The following DOCK9 variants were observed in gnomAD, a reference collection of about 807,000 sequenced individuals.
DOCK9 encodes the protein dedicator of cytokinesis 9, also known as dedicator of cytokinesis protein 9.
Under a neutral mutation model 263.3 loss-of-function variants are expected in DOCK9, and 89 were observed. The observed-to-expected ratio is 0.34, with a 90% confidence interval of 0.28 to 0.40. The LOEUF (loss-of-function observed/expected upper bound fraction) is 0.40, where lower values mean the gene tolerates loss of function less well. DOCK9 is among the 10% of genes least tolerant of loss of function. DOCK9 has a pLI of 1.00. For missense variants in DOCK9, 2,140 were observed against 2,603.4 expected (o/e 0.82, Z 3.87); for synonymous variants, 976 against 973.1 (o/e 1.00, Z -0.06).
At chr13:99,021,179 T>C (rs928606629) in intron 1 of DOCK9, among the ~76,000 whole-genome samples, 1 of 152,234 alleles carries the variant, frequency 6.6e-6, no homozygotes, top group Non-Finnish European at 1.5e-5. Flanking sequence ...AATGCTGGTC[T>C]CTCTTCTTCT....
chr13:98,969,953 C>A (rs189944700), intron 1 of DOCK9, among the ~76,000 whole-genome samples: 42 of 152,286 alleles, frequency 2.8e-4, no homozygotes, highest in Admixed American at 2.3e-3. Flanking sequence ...TCAGAGAAGA[C>A]TTTTAAGCAG....
intron 1 of DOCK9, among the ~76,000 whole-genome samples, chr13:99,084,570 T>C (rs2142509718): frequency 6.6e-6 from 1 of 152,308 alleles, no homozygotes; most frequent in Non-Finnish European, 1.5e-5. Flanking sequence ...AGGTCACCAT[T>C]AGTAGGCCAT....
intron 18 of DOCK9, among the ~76,000 whole-genome samples, 174 bp from the exon 19 acceptor site, chr13:98,886,798 C>T (rs1594977582): frequency 6.6e-6 from 1 of 152,300 alleles, no homozygotes; most frequent in East Asian, 1.9e-4. Context: ...TTCCAGCTTG[C>T]CTTGAAGCCC....
At chr13:98,883,194 A>T in intron 22 of DOCK9, 63 bp from the exon 23 acceptor site, 1 of 1,377,744 alleles carries the variant, frequency 7.3e-7, no homozygotes, top group South Asian at 1.3e-5. Context: ...TGGAAATAGA[A>T]GCATTTGTTT....
At chr13:98,874,449 A>C (rs2094275322) in intron 27 of DOCK9, among the ~76,000 whole-genome samples, 1 of 152,234 alleles carries the variant, frequency 6.6e-6, no homozygotes, top group Non-Finnish European at 1.5e-5. Flanking sequence ...GCTACTGTGC[A>C]CATTTGCATT....
chr13:98,808,519 G>T lies in DOCK9; in HGVS notation c.5368-712C>A. ...CGTAAATTAAGAGAGAGAAAATGGT[G>T]CACAAAACAGTAAAAAAAAATGCAA... is the stretch of plus-strand genomic sequence containing the variant. On this transcript the variant is annotated intron_variant, in intron 47 of 52. Coordinates refer to ENST00000682017, the MANE Select transcript of DOCK9 (RefSeq NM_001366683.2). 3 of 711,444 alleles carry T rather than the reference G, an allele frequency of 4.2e-6. No homozygotes were observed. In the South Asian group the frequency reaches 5.0e-5, roughly 12 times the overall value. 44.1% of individuals were successfully genotyped at this position (711,444 alleles called of 1,614,324 possible). A position where few individuals can be genotyped will look rare whatever the true frequency, so the allele number is the denominator to read the frequency against.
At chr13:98,930,380 T>A (rs769150531) in intron 2 of DOCK9, 123 bp from the exon 3 acceptor site, 2 of 772,952 alleles carry the variant, frequency 2.6e-6, no homozygotes, top group East Asian at 2.7e-5. Context: ...GTTTCTCCCA[T>A]CCAGTGCAGC....
At position 98,801,788 on chromosome 13, in the gene DOCK9, A is replaced by C. The variant is rs376758438; in HGVS notation, c.5726-1310T>G. ...AGAGTTCAATTGGGAAGGACTCATC[A>C]CAGGATGGGAAACAGGCCCAGCCCC... On this transcript the variant is annotated intron_variant, in intron 49 of 52. Transcript: ENST00000682017. Among the ~76,000 whole-genome samples the C allele has an allele frequency of 3.3e-5, 5 of 152,340 alleles. No homozygotes were observed. The East Asian group carries it at 9.6e-4, about 29-fold the overall frequency.
At chr13:98,920,406 CA>C (rs2051747037) in intron 7 of DOCK9, among the ~76,000 whole-genome samples, 2 of 152,082 alleles carry the variant, frequency 1.3e-5, no homozygotes, top group Admixed American at 1.3e-4. Context: ...TCTCAGTAAC[CA>C]TATTTGGTAC....
intron 1 of DOCK9, among the ~76,000 whole-genome samples, chr13:99,000,810 GT>G (rs1283564069): frequency 6.6e-6 from 1 of 152,142 alleles, no homozygotes; most frequent in Non-Finnish European, 1.5e-5. Flanking sequence ...TTTTACCATA[GT>G]GTGATTTTTT....
intron 2 of DOCK9, chr13:98,950,275 G>A: frequency 1.3e-6 from 1 of 762,200 alleles, no homozygotes; most frequent in Admixed American, 2.4e-5. Context: ...CTGCCACGAG[G>A]AATCATATAG....
chr13:99,024,658 T>C (rs1566317095), intron 1 of DOCK9, among the ~76,000 whole-genome samples: 1 of 152,200 alleles, frequency 6.6e-6, no homozygotes, highest in Non-Finnish European at 1.5e-5. Flanking sequence ...TGAAGAAATA[T>C]TCCTTGAGGG....
chr13:98,922,158 G>A lies in DOCK9; in HGVS notation c.487-12C>T. ...AGGGAGGCAGCATCCTAGGAGAGAA[G>A]GAAAACACCAGCAGTCAACCTCCCG... On this transcript the variant is annotated splice_polypyrimidine_tract_variant and intron_variant, in intron 5 of 52. Transcript: ENST00000682017. The A allele has an allele frequency of 6.4e-7, 1 of 1,574,106 alleles. No individual in the cohort carries two copies. Among genetic ancestry groups the A allele is most frequent in the Non-Finnish European group, 8.6e-7 (1 of 1,157,266 alleles).
intron 15 of DOCK9, among the ~76,000 whole-genome samples, chr13:98,890,808 A>ACGATGTTGAGAAGATC (rs2046505599): frequency 6.6e-6 from 1 of 152,152 alleles, no homozygotes; most frequent in Non-Finnish European, 1.5e-5. Flanking sequence ...AAGACTAGAG[A>ACGATGTTGAGAAGATC]CGATGTTGAG....
chr13:98,883,802 G>C lies in DOCK9; in HGVS notation c.2469+11C>G, dbSNP rs1000337407. 6.4e-7 allele frequency: 1 copy of C among 1,572,820 alleles called. No individual in the cohort carries two copies. Among genetic ancestry groups the C allele is most frequent in the East Asian group, 2.3e-5 (1 of 44,210 alleles). The stretch of plus-strand genomic sequence containing the variant: ...GGCAGCAACTGCTAATTTTGTTGAA[G>C]GAGCACATACCTGAGTATACACTGT... On this transcript the variant is annotated intron_variant, in intron 22 of 52. Transcript: ENST00000682017.
intron 15 of DOCK9, among the ~76,000 whole-genome samples, chr13:98,892,769 C>G (rs2046816921): frequency 6.6e-6 from 1 of 152,156 alleles, no homozygotes; most frequent in South Asian, 2.1e-4. Context: ...TACCAGAAGG[C>G]AGAGTATCTA....
chr13:98,924,947 C>G (rs2052678960), intron 4 of DOCK9, among the ~76,000 whole-genome samples: 1 of 151,942 alleles, frequency 6.6e-6, no homozygotes, highest in Admixed American at 6.6e-5. Flanking sequence ...GGTGGATCAC[C>G]TGAGTTCAGG....
intron 1 of DOCK9, among the ~76,000 whole-genome samples, chr13:98,992,640 C>T (rs1880077985): frequency 1.3e-5 from 2 of 152,168 alleles, no homozygotes; most frequent in Admixed American, 1.3e-4. Flanking sequence ...CCAGCACACC[C>T]CACTTGCCTG....
intron 1 of DOCK9, among the ~76,000 whole-genome samples, chr13:99,057,744 T>C (rs1312511777): frequency 6.6e-6 from 1 of 152,196 alleles, no homozygotes; most frequent in Non-Finnish European, 1.5e-5. Context: ...TTCAAAAGCA[T>C]AGATAAGCAA....
Sources: gnomAD v4.1 joint callset for allele counts (sites outside exome capture counted in the v4.1 genomes callset) on GRCh38, gnomAD v4.1.1 for gene constraint, MANE v1.5 for transcripts, NCBI Gene and HGNC (gene_info 2026-07-23, HGNC 2026-07-21) for gene names.